The following RRN3 variants were observed in gnomAD, a reference collection of about 807,000 sequenced individuals.
RRN3 encodes the protein RNA polymerase I-specific transcription initiation factor RRN3.
Under a neutral mutation model 82.3 loss-of-function variants are expected in RRN3, and 38 were observed. The observed-to-expected ratio is 0.46, with a 90% confidence interval of 0.36 to 0.61. The LOEUF (loss-of-function observed/expected upper bound fraction) is 0.61, where lower values mean the gene tolerates loss of function less well. RRN3 is among the 20% of genes least tolerant of loss of function. The pLI is 0.00. For missense variants in RRN3, 726 were observed against 793.1 expected (o/e 0.92, Z 1.02); for synonymous variants, 284 against 284.3 (o/e 1.00, Z 0.01).
In RRN3 at chr16:15,093,118, C is replaced by T. The variant is rs1356925449; in HGVS notation, c.90-504G>A. On this transcript the variant is annotated intron_variant, in intron 1 of 17. Coordinates refer to ENST00000198767, the MANE Select transcript of RRN3 (RefSeq NM_018427.5). The stretch of plus-strand genomic sequence containing the variant: ...CTCCCGGGTTCAAGCAATTATCCTG[C>T]CTCAGCCTCCTGAGTAGCTGGGATT... 2.0e-5 allele frequency among the ~76,000 whole-genome samples: 3 copies of T among 152,096 alleles called. No homozygotes were observed. The East Asian group carries it at 5.8e-4, about 29-fold the overall frequency.
rs62039515 is a variant in RRN3, at chr16:15,078,052, A to G, written c.766-1402T>C. On this transcript the variant is annotated intron_variant, in intron 9 of 17. Transcript: ENST00000198767. ...TATTTTGGTATATCACCATTCAAAT[A>G]TCTTAACATACCACTCAAACCATGC... Among the ~76,000 whole-genome samples, 617 of 152,362 alleles carry G rather than the reference A, an allele frequency of 4.0e-3. 2 individuals are homozygous for G. Among genetic ancestry groups the G allele is most frequent in the South Asian group, 0.011 (53 of 4,834 alleles).
intron 11 of RRN3, among the ~76,000 whole-genome samples, 157 bp from the exon 12 acceptor site, chr16:15,073,237 G>A (rs1030798032): frequency 1.3e-5 from 2 of 152,192 alleles, no homozygotes; most frequent in African/African-American, 4.8e-5. Context: ...AGGCCAAAGT[G>A]AGAGGGAGCC....
intron 12 of RRN3, among the ~76,000 whole-genome samples, chr16:15,071,682 C>T (rs1001449505): frequency 7.9e-5 from 12 of 152,084 alleles, no homozygotes; most frequent in East Asian, 1.9e-4. Flanking sequence ...GCAGGAGAAT[C>T]GCTTGAACCC....
At chr16:15,084,068 G>C (rs2151810012) in intron 7 of RRN3, among the ~76,000 whole-genome samples, 1 of 152,330 alleles carries the variant, frequency 6.6e-6, no homozygotes, top group East Asian at 1.9e-4. Flanking sequence ...ACGACTTAGA[G>C]AAAATAAGGT....
intron 3 of RRN3, among the ~76,000 whole-genome samples, chr16:15,088,590 T>C (rs950896714): frequency 1.4e-4 from 21 of 152,028 alleles, no homozygotes; most frequent in Admixed American, 3.3e-4. Flanking sequence ...AATGTCCCTT[T>C]GTATCTGGGA....
intron 14 of RRN3, among the ~76,000 whole-genome samples, chr16:15,068,868 G>T (rs566251652): frequency 6.6e-6 from 1 of 152,164 alleles, no homozygotes; most frequent in South Asian, 2.1e-4. Context: ...TATTTTAAGA[G>T]GCAAGCTGAC....
chr16:15,094,335 C>G (rs1301870108), upstream of RRN3: 1 of 1,115,028 alleles, frequency 9.0e-7, no homozygotes. Context: ...CAACCTTCAG[C>G]CAATCAGCGG....
chr16:15,078,675 C>T (rs900488914), intron 9 of RRN3, among the ~76,000 whole-genome samples: 1 of 152,086 alleles, frequency 6.6e-6, no homozygotes, highest in Admixed American at 6.5e-5. Context: ...TAAACTGCAT[C>T]TTTCCAAAGG....
At chr16:15,093,712 G>C (rs1282858141) in intron 1 of RRN3, among the ~76,000 whole-genome samples, 1 of 152,162 alleles carries the variant, frequency 6.6e-6, no homozygotes. Context: ...GCAAAATAAA[G>C]ACTGCGAAAC....
At chr16:15,070,604 C>T (rs2045182233) in intron 13 of RRN3, among the ~76,000 whole-genome samples, 1 of 152,122 alleles carries the variant, frequency 6.6e-6, no homozygotes, top group Non-Finnish European at 1.5e-5. Context: ...AAGAGAAAGA[C>T]AGTCTGGTGG....
intron 16 of RRN3, among the ~76,000 whole-genome samples, 188 bp from the exon 17 acceptor site, chr16:15,063,471 G>A (rs2044805516): frequency 6.6e-6 from 1 of 152,086 alleles, no homozygotes; most frequent in African/African-American, 2.4e-5. Flanking sequence ...CACTTTGGGA[G>A]GCTGAGGTGG....
chr16:15,076,153 T>C (rs992583820), intron 10 of RRN3, among the ~76,000 whole-genome samples: 6 of 152,110 alleles, frequency 3.9e-5, no homozygotes, highest in African/African-American at 1.2e-4. Flanking sequence ...GGCACCTGAA[T>C]CCCTGTCTCA....
At position 15,086,373 on chromosome 16, in the gene RRN3, T is replaced by C. The variant is rs766711179; in HGVS notation, c.334A>G (p.Ile112Val). 3.7e-6 allele frequency: 6 copies of C among 1,613,664 alleles called. No homozygotes were observed. Among genetic ancestry groups the C allele is most frequent in the Non-Finnish European group, 5.1e-6 (6 of 1,179,774 alleles). ...LTKDFEQLIS[I>V]ILRLPWLNRS... ...ATAAATGGTGAACTTACTAATATAA[T>C]ACTGATAAGTTGCTCAAAGTCTTTT... Residue 112 changes from isoleucine (I) to valine (V), a missense_variant, in exon 4 of 18, where the codon ATT (isoleucine) becomes GTT (valine). This residue lies in a region of RRN3 where 344 missense variants were observed against 394.5 expected (regional missense o/e 0.87). Transcript: ENST00000198767.
chr16:15,075,735 C>G (rs1243988984), intron 10 of RRN3, among the ~76,000 whole-genome samples: 1 of 152,128 alleles, frequency 6.6e-6, no homozygotes, highest in African/African-American at 2.4e-5. Context: ...TGAGACCTAT[C>G]CATGCAAAAA....
At chr16:15,079,330 A>G (rs954971582) in intron 9 of RRN3, among the ~76,000 whole-genome samples, 15 of 152,170 alleles carry the variant, frequency 9.9e-5, no homozygotes, top group African/African-American at 3.1e-4. Context: ...TTAACTGTTT[A>G]TAATTATAAT....
intron 11 of RRN3, among the ~76,000 whole-genome samples, 163 bp from the exon 12 acceptor site, chr16:15,073,243 G>C (rs966550460): frequency 3.9e-5 from 6 of 152,170 alleles, no homozygotes; most frequent in Non-Finnish European, 1.5e-5. Context: ...AAGTGAGAGG[G>C]AGCCCGGGAG....
rs2046151341 is a variant in RRN3, at chr16:15,092,030, T to A, written c.195+479A>T. ...TGCCTCTACTAAAAAAATAAAAAAA[T>A]TAGCCAGGTGTGGTGGTGTGTGCCT... On this transcript the variant is annotated intron_variant, in intron 2 of 17. Transcript: ENST00000198767. Among the ~76,000 whole-genome samples, 3 of 151,940 alleles carry A rather than the reference T, an allele frequency of 2.0e-5. No homozygotes were observed. The South Asian group carries it at 6.2e-4, about 32-fold the overall frequency.
intron 10 of RRN3, among the ~76,000 whole-genome samples, chr16:15,075,181 G>C (rs2045398655): frequency 6.6e-6 from 1 of 151,588 alleles, no homozygotes; most frequent in Admixed American, 6.6e-5. Context: ...ACTGGGAGGT[G>C]GAGGAGGCTA....
At chr16:15,064,488 TC>T (rs2044868606) in intron 16 of RRN3, among the ~76,000 whole-genome samples, 1 of 152,106 alleles carries the variant, frequency 6.6e-6, no homozygotes, top group Admixed American at 6.5e-5. Context: ...CGTTTGTTTT[TC>T]GTTTATCCTG....
Sources: allele counts gnomAD v4.1 joint callset (sites outside exome capture counted in the v4.1 genomes callset), GRCh38; gene constraint gnomAD v4.1.1; regional missense constraint gnomAD v4.1.1; transcripts MANE v1.5; gene names NCBI Gene and HGNC (gene_info 2026-07-23, HGNC 2026-07-21).